ZNF451: variants seen among roughly 807,000 people sequenced by gnomAD.
ZNF451 encodes zinc finger protein 451, also known as E3 SUMO-protein ligase ZNF451.
ZNF451 carries 80 observed loss-of-function variants against 107.1 expected under a neutral mutation model. That is an observed-to-expected ratio of 0.75 (90% CI 0.62 to 0.90). The LOEUF (loss-of-function observed/expected upper bound fraction) is 0.90. ZNF451 is among the 40% of genes least tolerant of loss of function. The pLI is 0.00. For synonymous variants in ZNF451, 362 were observed against 406.5 expected (o/e 0.89, Z 1.32); for missense variants, 1,107 against 1,236.2 (o/e 0.90, Z 1.57).
intron 13 of ZNF451, chr6:57,159,036 AGTCT>A: frequency 1.0e-6 from 1 of 985,472 alleles, no homozygotes; most frequent in Non-Finnish European, 1.2e-6. Context: ...TATTTCTTAA[AGTCT>A]GTCTGCCTGT....
chr6:57,159,528 T>TG, intron 13 of ZNF451: 3 of 317,718 alleles, frequency 9.4e-6, no homozygotes, highest in Non-Finnish European at 1.4e-5. Context: ...TATAAGAGTT[T>TG]TTTTTTTTTT....
chr6:57,129,417 C>T (rs1168054669), intron 5 of ZNF451, among the ~76,000 whole-genome samples: 1 of 152,136 alleles, frequency 6.6e-6, no homozygotes, highest in Non-Finnish European at 1.5e-5. Flanking sequence ...AGGAGAGTCC[C>T]ACCATGACAA....
At chr6:57,093,458 G>C (rs981251931) in intron 2 of ZNF451, among the ~76,000 whole-genome samples, 1 of 152,184 alleles carries the variant, frequency 6.6e-6, no homozygotes, top group Non-Finnish European at 1.5e-5. Context: ...AATAAAAAGT[G>C]TTGAAGCTCA....
Position 57,152,330 on chromosome 6 carries a change from T to G in ZNF451, c.2862T>G (p.Ala954=), listed in dbSNP as rs574619556. The change falls in exon 12 of 15, where the codon GCT becomes GCG. Residue 954 remains alanine (A), a synonymous_variant. Transcript: ENST00000370706. ...HPRCSKRKDA[A]DFAICMHAGR... is the part of the protein sequence containing the mutation. ...GCTGTAGTAAAAGAAAAGATGCTGC[T>G]GATTTTGCCATATGTATGCATGTGA... 52 of 1,614,124 alleles carry G rather than the reference T, an allele frequency of 3.2e-5. 1 individual carries two copies. Among genetic ancestry groups the G allele is most frequent in the East Asian group, 3.1e-4 (14 of 44,850 alleles).
At chr6:57,101,252 A>C in intron 3 of ZNF451, 1 of 1,551,120 alleles carries the variant, frequency 6.4e-7, no homozygotes, top group Non-Finnish European at 8.7e-7. Flanking sequence ...TTACAATCTG[A>C]AGCGGAGTCA....
Position 57,144,302 on chromosome 6 carries a change from G to A in ZNF451, c.1004+2207G>A, listed in dbSNP as rs369260210. ...GTCACCTAGGCTGGAGTGCAATGGT[G>A]CAATCTCGGCTCACTGCAACCTCCA... On this transcript the variant is annotated intron_variant, in intron 9 of 14. Transcript: ENST00000370706. Among the ~76,000 whole-genome samples the A allele has an allele frequency of 6.2e-4, 88 of 142,724 alleles. 2 individuals are homozygous for A. In the East Asian group the frequency reaches 0.012, roughly 20 times the overall value. 93.6% of individuals were successfully genotyped at this position (142,724 alleles called of 152,430 possible).
chr6:57,104,928 A>G (rs1387092474), intron 3 of ZNF451: 1 of 985,372 alleles, frequency 1.0e-6, no homozygotes. Flanking sequence ...ATGGGGACAG[A>G]ATGCAGATCA....
intron 3 of ZNF451, chr6:57,103,216 G>C (rs1286220148): frequency 1.0e-6 from 1 of 985,276 alleles, no homozygotes; most frequent in African/African-American, 1.7e-5. Flanking sequence ...CATCAGTCTA[G>C]ATTTTATTGA....
intron 3 of ZNF451, chr6:57,116,849 C>T (rs1830395185): frequency 1.3e-5 from 2 of 151,388 alleles, no homozygotes; most frequent in Admixed American, 6.6e-5. Flanking sequence ...CCTATAGGCC[C>T]AGCTACTCTG....
intron 2 of ZNF451, chr6:57,091,433 A>G (rs1450987096): frequency 7.1e-6 from 1 of 141,234 alleles, no homozygotes; most frequent in Non-Finnish European, 1.5e-5. Context: ...TCCCTTTGAG[A>G]CAGTAGTTTT....
chr6:57,100,546 A>G (rs1018507830), intron 3 of ZNF451: 8 of 1,440,396 alleles, frequency 5.6e-6, no homozygotes, highest in Non-Finnish European at 7.3e-6. Context: ...GAAAGTTAAC[A>G]TATTAAAAGC....
chr6:57,142,382 T>C (rs1266601439), intron 9 of ZNF451, among the ~76,000 whole-genome samples: 2 of 152,212 alleles, frequency 1.3e-5, no homozygotes, highest in African/African-American at 4.8e-5. Context: ...AAGTAGAACC[T>C]TGGCTTTAAG....
chr6:57,106,157 C>T (rs1829843345), intron 3 of ZNF451: 1 of 985,310 alleles, frequency 1.0e-6, no homozygotes, highest in Non-Finnish European at 1.2e-6. Flanking sequence ...ATTCCGGAAT[C>T]CCTTTGTCTG....
chr6:57,155,206 C>T (rs1268440243), intron 13 of ZNF451, among the ~76,000 whole-genome samples: 1 of 152,168 alleles, frequency 6.6e-6, no homozygotes, highest in South Asian at 2.1e-4. Context: ...AAAAAACAGG[C>T]TGGGTGCAGT....
chr6:57,169,014 A>T lies in ZNF451; in HGVS notation c.*545A>T, dbSNP rs1204131046. On this transcript the variant is annotated 3_prime_UTR_variant, in exon 15 of 15. Coordinates refer to ENST00000370706, the MANE Select transcript of ZNF451 (RefSeq NM_001031623.3). ...TGGAAACATTTAAAATTTTATCAGCAATGTTCTTTGTGGGTGCCATGCATA... is the reference window on the plus strand; with the variant it reads ...TGGAAACATTTAAAATTTTATCAGCTATGTTCTTTGTGGGTGCCATGCATA... 6.6e-6 allele frequency: 1 copy of T among 152,272 alleles called. No individual in the cohort carries two copies. Among genetic ancestry groups the T allele is most frequent in the Non-Finnish European group, 1.5e-5 (1 of 68,074 alleles). The allele number at this position is 152,272 out of a possible 1,614,324, so 9.4% of individuals were successfully genotyped here. A position where few individuals can be genotyped will look rare whatever the true frequency, so the allele number is the denominator to read the frequency against.
chr6:57,138,741 A>ATG (rs1185366526), intron 7 of ZNF451, among the ~76,000 whole-genome samples: 1,047 of 46,446 alleles, frequency 0.023, 23 homozygotes, highest in Non-Finnish European at 0.028. Context: ...ATATATATAT[A>ATG]TGTGTGTGTG....
intron 3 of ZNF451, chr6:57,116,896 T>A (rs1357835276): frequency 1.3e-5 from 2 of 151,888 alleles, no homozygotes; most frequent in Non-Finnish European, 2.9e-5. Flanking sequence ...GCCCCGGAGT[T>A]TGAGTCCAGC....
chr6:57,135,335 C>T (rs1311667511), intron 7 of ZNF451, among the ~76,000 whole-genome samples: 1 of 152,056 alleles, frequency 6.6e-6, no homozygotes, highest in Non-Finnish European at 1.5e-5. Context: ...TGAGTTGATT[C>T]ATGGATATGC....
intron 14 of ZNF451, among the ~76,000 whole-genome samples, chr6:57,166,570 T>C (rs1189971129): frequency 6.6e-6 from 1 of 152,204 alleles, no homozygotes; most frequent in Non-Finnish European, 1.5e-5. Flanking sequence ...CACAAACACA[T>C]ATATATTAGC....
Sources: gnomAD v4.1 joint callset for allele counts (sites outside exome capture counted in the v4.1 genomes callset) on GRCh38, gnomAD v4.1.1 for gene constraint, MANE v1.5 for transcripts, NCBI Gene and HGNC (gene_info 2026-07-23, HGNC 2026-07-21) for gene names.